Variants in MICAL2 observed in about 807,000 individuals in gnomAD.
MICAL2 encodes microtubule associated monooxygenase, calponin and LIM domain containing 2, also known as [F-actin]-monooxygenase MICAL2.
Under a neutral mutation model 127.3 loss-of-function variants are expected in MICAL2, and 77 were observed. That is an observed-to-expected ratio of 0.60 (90% CI 0.50 to 0.73). The LOEUF (loss-of-function observed/expected upper bound fraction) is 0.73, where lower values mean the gene tolerates loss of function less well. Among genes scored for constraint, MICAL2 ranks in the 30% least tolerant of loss-of-function variants. The pLI, the probability that MICAL2 is intolerant of heterozygous loss-of-function variation, is 0.00. For missense variants in MICAL2, 1,351 were observed against 1,434.4 expected (o/e 0.94, Z 0.94); for synonymous variants, 570 against 551.1 (o/e 1.03, Z -0.48).
At chr11:12,216,084 T>C (rs1856113905) in intron 7 of MICAL2, 135 bp from the exon 8 acceptor site, 2 of 653,114 alleles carry the variant, frequency 3.1e-6, no homozygotes, top group African/African-American at 1.8e-5. Flanking sequence ...GCCAGCCTTG[T>C]GTGCCTTAAA....
At chr11:12,230,696 C>T (rs751870565) in intron 15 of MICAL2, among the ~76,000 whole-genome samples, 15 of 146,756 alleles carry the variant, frequency 1.0e-4, no homozygotes, top group South Asian at 6.7e-4. Flanking sequence ...TTTTCACTGA[C>T]GATGTTAAAT....
At chr11:12,276,982 C>T (rs755265521) in intron 1 of MICAL2, among the ~76,000 whole-genome samples, 179 of 152,260 alleles carry the variant, frequency 1.2e-3, no homozygotes, top group Non-Finnish European at 2.3e-3. Flanking sequence ...TTGATGCCCA[C>T]AATAATGCTG....
At chr11:12,353,942 C>T (rs1939091886) in intron 33 of MICAL2, among the ~76,000 whole-genome samples, 1 of 152,212 alleles carries the variant, frequency 6.6e-6, no homozygotes, top group South Asian at 2.1e-4. Flanking sequence ...AGTCAAGTTA[C>T]TCCTAAAAGA....
intron 3 of MICAL2, among the ~76,000 whole-genome samples, chr11:12,187,337 G>C (rs1274665806): frequency 1.3e-5 from 2 of 152,236 alleles, no homozygotes; most frequent in Non-Finnish European, 2.9e-5. Context: ...GTGTGCTTCA[G>C]TTAATATTTT....
chr11:12,142,564 T>C (rs563621145), intron 2 of MICAL2, among the ~76,000 whole-genome samples: 13 of 152,358 alleles, frequency 8.5e-5, no homozygotes, highest in African/African-American at 3.1e-4. Flanking sequence ...ATCCCAGCAC[T>C]ATGCTGATGG....
At chr11:12,220,102 A>C in intron 8 of MICAL2, 99 bp from the exon 9 acceptor site, 1 of 1,406,266 alleles carries the variant, frequency 7.1e-7, no homozygotes, top group South Asian at 1.3e-5. Flanking sequence ...GACTAGCCTC[A>C]CTGTAGGGAC....
chr11:12,183,478 G>A (rs1031910181), intron 3 of MICAL2, among the ~76,000 whole-genome samples: 3 of 152,160 alleles, frequency 2.0e-5, no homozygotes, highest in Non-Finnish European at 2.9e-5. Flanking sequence ...GAATCTAACC[G>A]CCTGTGCCCT....
chr11:12,123,403 A>AT (rs1228382162), intron 1 of MICAL2, among the ~76,000 whole-genome samples: 2 of 151,952 alleles, frequency 1.3e-5, no homozygotes, highest in African/African-American at 4.8e-5. Flanking sequence ...TGTCCCTGGA[A>AT]TTTTTTCCAG....
chr11:12,282,882 G>C (rs563496283), intron 2 of MICAL2, among the ~76,000 whole-genome samples: 77 of 152,266 alleles, frequency 5.1e-4, no homozygotes, highest in African/African-American at 1.7e-3. Flanking sequence ...GAAGGTGAGG[G>C]CATGACAAAA....
chr11:12,147,902 T>C (rs1322404787), intron 2 of MICAL2, among the ~76,000 whole-genome samples: 2 of 152,218 alleles, frequency 1.3e-5, no homozygotes, highest in Non-Finnish European at 2.9e-5. Flanking sequence ...CCCAGGAAAC[T>C]GAGTTTTCAT....
At chr11:12,180,976 G>A (rs1457561660) in intron 3 of MICAL2, among the ~76,000 whole-genome samples, 1 of 127,308 alleles carries the variant, frequency 7.9e-6, no homozygotes, top group African/African-American at 3.0e-5. Flanking sequence ...TGCTCAGGCT[G>A]GAGTGAAATG....
chr11:12,360,523 G>T (rs1493968), downstream of MICAL2, among the ~76,000 whole-genome samples: 106,620 of 151,806 alleles, frequency 0.7, 43,186 homozygotes, highest in East Asian at 0.94. Context: ...CAATATTCAG[G>T]CCCCAGTCTT....
At chr11:12,359,170 T>C (rs1039401839), downstream of MICAL2, 1 of 152,552 alleles carries the variant, frequency 6.6e-6, no homozygotes, top group Non-Finnish European at 1.5e-5. Context: ...GAAATAAAAC[T>C]TTAACTTTAT....
downstream of MICAL2, chr11:12,292,228 A>G (rs1378905502): frequency 1.2e-6 from 2 of 1,613,598 alleles, no homozygotes; most frequent in African/African-American, 1.3e-5. Context: ...CTTCCCATTC[A>G]TCTTCCCCAC....
At chr11:12,119,222 C>T (rs1196936713) in intron 1 of MICAL2, among the ~76,000 whole-genome samples, 1 of 152,202 alleles carries the variant, frequency 6.6e-6, no homozygotes, top group Non-Finnish European at 1.5e-5. Flanking sequence ...TTTATGGCTG[C>T]TCTCTGGGGT....
At chr11:12,217,156 ACTG>A (rs755896208) in intron 8 of MICAL2, among the ~76,000 whole-genome samples, 7 of 152,134 alleles carry the variant, frequency 4.6e-5, no homozygotes, top group Non-Finnish European at 8.8e-5. Context: ...TGCCACTGTC[ACTG>A]CTGCTGCTGC....
intron 2 of MICAL2, among the ~76,000 whole-genome samples, chr11:12,149,257 T>G (rs1435643105): frequency 1.3e-5 from 2 of 152,008 alleles, no homozygotes; most frequent in Non-Finnish European, 2.9e-5. Context: ...GGGGAAGTGA[T>G]GAGAGTAGAG....
Position 12,242,213 on chromosome 11 carries a change from G to T in MICAL2, c.2338-1G>T, listed in dbSNP as rs1269291487. ...GAAGCTTAATTTTCCCTCTTTCCCA[G>T]TTCCCCTCTGTGGTCGTGACGGGGC... On this transcript the variant is annotated splice_acceptor_variant, in intron 18 of 27. Transcript: ENST00000683283. LOFTEE classifies it high-confidence loss of function. 6.3e-7 allele frequency: 1 copy of T among 1,599,788 alleles called. No homozygotes were observed. Among genetic ancestry groups the T allele is most frequent in the South Asian group, 1.1e-5 (1 of 90,392 alleles).
downstream of MICAL2, chr11:12,292,079 C>A: frequency 6.5e-7 from 1 of 1,532,646 alleles, no homozygotes; most frequent in Non-Finnish European, 8.8e-7. Context: ...TCACTTAAAG[C>A]CTCCTCTTTT....
Sources: allele counts gnomAD v4.1 joint callset (sites outside exome capture counted in the v4.1 genomes callset), GRCh38; gene constraint gnomAD v4.1.1; transcripts MANE v1.5; gene names NCBI Gene and HGNC (gene_info 2026-07-23, HGNC 2026-07-21).